Variants in PTPRN2 observed in about 807,000 individuals in gnomAD.
PTPRN2 encodes receptor-type tyrosine-protein phosphatase N2.
PTPRN2 carries 74 observed loss-of-function variants against 118.8 expected under a neutral mutation model. The observed-to-expected ratio is 0.62, with a 90% confidence interval of 0.52 to 0.76. The LOEUF (loss-of-function observed/expected upper bound fraction) is 0.76, where lower values mean the gene tolerates loss of function less well. PTPRN2 is among the 30% of genes least tolerant of loss of function. The probability of loss-of-function intolerance (pLI) is 0.00; values close to 1 mark genes in which losing one functional copy is unlikely to be tolerated. For synonymous variants in PTPRN2, 641 were observed against 608.0 expected, an observed-to-expected ratio of 1.05 and a Z score of -0.80; for missense variants, 1,481 against 1,394.4, an observed-to-expected ratio of 1.06 and a Z score of -0.99.
chr7:157,992,411 G>A (rs903005512), intron 11 of PTPRN2, among the ~76,000 whole-genome samples: 1 of 152,216 alleles, frequency 6.6e-6, no homozygotes, highest in African/African-American at 2.4e-5. Flanking sequence ...TCTGCCTGTG[G>A]GAAGAGCTGG....
chr7:157,557,658 T>C (rs1798974667), intron 21 of PTPRN2, among the ~76,000 whole-genome samples: 1 of 147,394 alleles, frequency 6.8e-6, no homozygotes, highest in Non-Finnish European at 1.5e-5. Flanking sequence ...TATAAGCAGG[T>C]TTTTTTTTGC....
At chr7:157,542,443 T>A (rs146303702) in intron 22 of PTPRN2, among the ~76,000 whole-genome samples, 41 of 152,252 alleles carry the variant, frequency 2.7e-4, no homozygotes, top group Admixed American at 2.0e-3. Context: ...AAGGGAAGAA[T>A]AGAGAAGCGC....
At chr7:157,670,633 T>C (rs1425689524) in intron 13 of PTPRN2, among the ~76,000 whole-genome samples, 1 of 152,154 alleles carries the variant, frequency 6.6e-6, no homozygotes, top group African/African-American at 2.4e-5. Flanking sequence ...CCAGCCAGAC[T>C]GCCGTTGGTG....
intron 12 of PTPRN2, among the ~76,000 whole-genome samples, chr7:157,840,321 CTGTG>C (rs1467177951): frequency 2.3e-5 from 3 of 129,838 alleles, no homozygotes; most frequent in Non-Finnish European, 4.7e-5. Flanking sequence ...CCACGTGTGA[CTGTG>C]TGACCGCGTG....
At chr7:158,092,233 T>C (rs1814244954) in intron 10 of PTPRN2, among the ~76,000 whole-genome samples, 1 of 150,808 alleles carries the variant, frequency 6.6e-6, no homozygotes, top group Non-Finnish European at 1.5e-5. Context: ...CATATATGTA[T>C]ATATATGCAT....
intron 12 of PTPRN2, among the ~76,000 whole-genome samples, chr7:157,859,609 C>T (rs868257423): frequency 0.029 from 572 of 19,890 alleles, 21 homozygotes; most frequent in East Asian, 0.074. Context: ...AGGGAGAGCC[C>T]CCCAGCCACC....
intron 14 of PTPRN2, among the ~76,000 whole-genome samples, chr7:157,633,811 G>C (rs1804121393): frequency 6.6e-6 from 1 of 152,224 alleles, no homozygotes; most frequent in South Asian, 2.1e-4. Flanking sequence ...GGCAGACCAG[G>C]AGCTGTTGGC....
At chr7:158,236,062 G>A (rs1829515639) in intron 3 of PTPRN2, among the ~76,000 whole-genome samples, 1 of 152,260 alleles carries the variant, frequency 6.6e-6, no homozygotes, top group Admixed American at 6.5e-5. Flanking sequence ...ACTCCCCCAA[G>A]GACGACAGTG....
In PTPRN2 at chr7:157,794,416, C is replaced by T. The variant is rs772441511; in HGVS notation, c.1788+104257G>A. Among the ~76,000 whole-genome samples, 10 of 152,186 alleles carry T rather than the reference C, an allele frequency of 6.6e-5. No homozygotes were observed. Among genetic ancestry groups the T allele is most frequent in the East Asian group, 1.9e-4 (1 of 5,184 alleles). The stretch of plus-strand genomic sequence containing the variant: ...GCAGTGCGGTGACCAATTATAGCGT[C>T]GACGATGGCAGCTTCCCTCTGAAAG... On this transcript the variant is annotated intron_variant, in intron 12 of 22. Coordinates refer to ENST00000389418, the MANE Select transcript of PTPRN2 (RefSeq NM_002847.5). The surrounding 1 kb of genome is among the most constrained non-coding windows in gnomAD (Gnocchi z 5.2).
chr7:157,890,478 A>G (rs1160023585), intron 12 of PTPRN2, among the ~76,000 whole-genome samples: 2 of 152,178 alleles, frequency 1.3e-5, no homozygotes, highest in Non-Finnish European at 2.9e-5. Flanking sequence ...CGTCTCTACT[A>G]AAAATACAGA....
At chr7:157,718,722 C>A (rs1799066240) in intron 12 of PTPRN2, among the ~76,000 whole-genome samples, 2 of 151,700 alleles carry the variant, frequency 1.3e-5, no homozygotes, top group South Asian at 4.2e-4. Flanking sequence ...CACGTCCAGG[C>A]GTCCGCGGTG....
chr7:158,263,019 G>C (rs1012415747), intron 3 of PTPRN2, among the ~76,000 whole-genome samples: 2 of 136,796 alleles, frequency 1.5e-5, no homozygotes, highest in Non-Finnish European at 3.1e-5. Context: ...TTCACACACA[G>C]TGCACACATA....
chr7:157,589,798 A>G lies in PTPRN2; in HGVS notation c.2496+5440T>C, dbSNP rs1459450631. ...GATTTAAAAAGAAAATTAGGATTTT[A>G]AAAAGAAAGTTTTACGCACCACCAA... On this transcript the variant is annotated intron_variant, in intron 17 of 22. Coordinates refer to ENST00000389418, the MANE Select transcript of PTPRN2 (RefSeq NM_002847.5). 2.0e-5 allele frequency among the ~76,000 whole-genome samples: 3 copies of G among 152,388 alleles called. No homozygotes were observed. The East Asian group carries it at 5.8e-4, about 29-fold the overall frequency.
At chr7:158,282,769 C>T (rs956038875) in intron 3 of PTPRN2, among the ~76,000 whole-genome samples, 1 of 150,962 alleles carries the variant, frequency 6.6e-6, no homozygotes, top group African/African-American at 2.4e-5. Context: ...CCTCCTCGTG[C>T]TCCCACACAC....
chr7:157,658,646 C>T (rs1425216691), intron 13 of PTPRN2, among the ~76,000 whole-genome samples: 2 of 152,182 alleles, frequency 1.3e-5, no homozygotes, highest in South Asian at 2.1e-4. Context: ...GCCTGGGTGC[C>T]CCCCTGACGT....
intron 2 of PTPRN2, among the ~76,000 whole-genome samples, chr7:158,324,693 G>T (rs1039210860): frequency 2.1e-5 from 2 of 94,276 alleles, no homozygotes; most frequent in Admixed American, 1.2e-4. Context: ...CAGAGTAAGG[G>T]TGGGGCTCTG....
In PTPRN2 at chr7:158,134,070, G is replaced by A. The variant is rs1818608679; in HGVS notation, c.1174-11C>T. On this transcript the variant is annotated splice_polypyrimidine_tract_variant and intron_variant, in intron 8 of 22. Coordinates refer to ENST00000389418, the MANE Select transcript of PTPRN2 (RefSeq NM_002847.5). Reference sequence around the variant, plus strand: ...ACTCAGACGATGGACCTGACAGAGAGGACATTCCGTGAGGGACGTCTGCGA... The same window carrying A: ...ACTCAGACGATGGACCTGACAGAGAAGACATTCCGTGAGGGACGTCTGCGA... 4.4e-6 allele frequency: 7 copies of A among 1,608,006 alleles called. No individual in the cohort carries two copies. The highest frequency in any genetic ancestry group is 1.7e-5 in the Admixed American group (1 of 59,506).
chr7:158,564,290 T>G (rs930132940), intron 1 of PTPRN2, among the ~76,000 whole-genome samples: 1 of 152,270 alleles, frequency 6.6e-6, no homozygotes, highest in Non-Finnish European at 1.5e-5. Flanking sequence ...AACACGCTTA[T>G]GCAAACATCT....
intron 5 of PTPRN2, among the ~76,000 whole-genome samples, chr7:158,187,507 C>T (rs897638854): frequency 3.3e-5 from 5 of 152,132 alleles, no homozygotes; most frequent in East Asian, 1.9e-4. Context: ...TGCACGGCAG[C>T]GCTGCAGCCT....
Sources: allele counts gnomAD v4.1 joint callset (sites outside exome capture counted in the v4.1 genomes callset), GRCh38; gene constraint gnomAD v4.1.1; non-coding constraint Gnocchi (gnomAD v3.1); transcripts MANE v1.5; gene names NCBI Gene and HGNC (gene_info 2026-07-23, HGNC 2026-07-21).